The following FBXO46 variants were observed in gnomAD, a reference collection of about 807,000 sequenced individuals.
The protein encoded by FBXO46 is F-box protein 46.
Under a neutral mutation model 30.7 loss-of-function variants are expected in FBXO46, and 13 were observed. That is an observed-to-expected ratio of 0.42 (90% CI 0.28 to 0.67). The LOEUF (loss-of-function observed/expected upper bound fraction) is 0.67. Among genes scored for constraint, FBXO46 ranks in the 30% least tolerant of loss-of-function variants. The pLI, the probability that FBXO46 is intolerant of heterozygous loss-of-function variation, is 0.21. For synonymous variants in FBXO46, 467 were observed against 385.8 expected (o/e 1.21, Z -2.47); for missense variants, 754 against 871.5 (o/e 0.87, Z 1.70).
rs1052373589 is a variant in FBXO46, at chr19:45,712,012, G to A, written c.1484C>T (p.Ala495Val). ...GAAGTGGTGGCAGGTGCACTTGAGG[G>A]CGGCCAGCGCGCGCGTGGGCAGGAA... ...FSFLPTRALA[A>V]LKCTCHHFKG... Residue 495 changes from alanine to valine, a missense_variant, in exon 2 of 2, where the codon GCC (alanine) becomes GTC (valine). Physicochemically the swap from Ala to Val is moderately conservative, Grantham distance 64. This residue lies in a region of FBXO46 where 162 missense variants were observed against 258.7 expected (regional missense o/e 0.63). Transcript: ENST00000317683. The surrounding 1 kb of genome is among the most constrained non-coding windows in gnomAD (Gnocchi z 8.8). The A allele has an allele frequency of 6.2e-7, 1 of 1,612,388 alleles. No individual in the cohort carries two copies. The highest frequency in any genetic ancestry group is 8.5e-7 in the Non-Finnish European group (1 of 1,179,668).
chr19:45,717,826 G>A (rs1017640625), intron 1 of FBXO46, among the ~76,000 whole-genome samples: 1 of 152,004 alleles, frequency 6.6e-6, no homozygotes, highest in Non-Finnish European at 1.5e-5. Context: ...ATTGGGCATC[G>A]GGATAACCCC....
intron 1 of FBXO46, among the ~76,000 whole-genome samples, chr19:45,726,353 C>CA (rs1968239599): frequency 6.6e-6 from 1 of 151,448 alleles, no homozygotes; most frequent in Non-Finnish European, 1.5e-5. Context: ...CTAACAACAA[C>CA]AACAAAAAAA....
Position 45,713,042 on chromosome 19 carries a change from C to A in FBXO46, c.454G>T (p.Gly152Cys). Residue 152 changes from glycine to cysteine, a missense_variant, in exon 2 of 2, where the codon GGC (glycine) becomes TGC (cysteine). By Grantham distance (159) the Gly-to-Cys change is radical. Coordinates refer to ENST00000317683, the MANE Select transcript of FBXO46 (RefSeq NM_001080469.2). This position sits in a 1 kb window ranked among gnomAD's most constrained non-coding sequence, Gnocchi z 4.7. ...KAPPDPGGRE[G>C]PPAAEEGPAS... is the part of the protein sequence containing the mutation. ...GGGCCCTCCTCAGCAGCAGGGGGGC[C>A]CTCCCGGCCCCCTGGGTCAGGAGGA... is the stretch of plus-strand genomic sequence containing the variant. The A allele has an allele frequency of 6.4e-7, 1 of 1,560,710 alleles. No individual in the cohort carries two copies. The highest frequency in any genetic ancestry group is 2.3e-5 in the East Asian group (1 of 44,004).
At chr19:45,722,748 C>A (rs1968189744) in intron 1 of FBXO46, among the ~76,000 whole-genome samples, 1 of 143,686 alleles carries the variant, frequency 7.0e-6, no homozygotes, top group South Asian at 2.4e-4. Flanking sequence ...GGCGACAGAG[C>A]CAGACTCCGT....
At chr19:45,724,607 G>C (rs184482943) in intron 1 of FBXO46, among the ~76,000 whole-genome samples, 1 of 151,950 alleles carries the variant, frequency 6.6e-6, no homozygotes, top group Non-Finnish European at 1.5e-5. Context: ...AGGAGTTTGA[G>C]AGCAGCCTGG....
Position 45,713,100 on chromosome 19 carries a change from C to T in FBXO46, c.396G>A (p.Lys132=). The T allele has an allele frequency of 6.2e-7, 1 of 1,606,654 alleles. No individual in the cohort carries two copies. Residue 132 remains lysine (K), a synonymous_variant, in exon 2 of 2, where the codon AAG becomes AAA. Transcript: ENST00000317683. The surrounding 1 kb of genome is among the most constrained non-coding windows in gnomAD (Gnocchi z 4.7). ...TGGGGTCAAGACAGCGCCTCCGCCG[C>T]TTGGCCTTGGAGCTATCGCTGCCCC... ...GHWGSDSSKA[K]RRRRCLDPTK...
chr19:45,723,520 G>A (rs1568548963), intron 1 of FBXO46: 1 of 152,180 alleles, frequency 6.6e-6, no homozygotes, highest in South Asian at 2.1e-4. Flanking sequence ...TCAAAGCTGG[G>A]CACTCTGGCT....
chr19:45,723,866 G>A (rs1968205524), intron 1 of FBXO46, among the ~76,000 whole-genome samples: 1 of 152,000 alleles, frequency 6.6e-6, no homozygotes, highest in African/African-American at 2.4e-5. Context: ...CACCATGTTG[G>A]CCAGGCTGGT....
intron 1 of FBXO46, chr19:45,717,058 A>G (rs897406671): frequency 2.0e-5 from 3 of 152,304 alleles, no homozygotes; most frequent in African/African-American, 7.2e-5. Flanking sequence ...CTTCCGCATT[A>G]CAAACGAACC....
chr19:45,711,440 GATAAAAAAAAA>G lies in FBXO46; in HGVS notation c.*233_*243del. 1 of 640,014 alleles carries G rather than the reference GATAAAAAAAAA, an allele frequency of 1.6e-6. No homozygotes were observed. The highest frequency in any genetic ancestry group is 2.8e-6 in the Non-Finnish European group (1 of 358,104). 39.6% of individuals were successfully genotyped at this position (640,014 alleles called of 1,614,324 possible). On this transcript the variant is annotated 3_prime_UTR_variant, in exon 2 of 2. Transcript: ENST00000317683. ...TGAATGGAGAAGAAAGTGAGATGCT[GATAAAAAAAAA>G]AAAAACACCCTTCTCAGAGGGTCCA...
At position 45,711,547 on chromosome 19, in the gene FBXO46, A is replaced by G; in HGVS notation, c.*137T>C. The G allele has an allele frequency of 2.6e-6, 2 of 757,062 alleles. No homozygotes were observed. Among genetic ancestry groups the G allele is most frequent in the East Asian group, 5.3e-5 (2 of 37,448 alleles). 46.9% of individuals were successfully genotyped at this position (757,062 alleles called of 1,614,324 possible). A position where few individuals can be genotyped will look rare whatever the true frequency, so the allele number is the denominator to read the frequency against. ...GGCTTTCCTGGGTCACCCCTGCTGA[A>G]CCCCAGCTCAGTTCCGGTGAGGGAT... On this transcript the variant is annotated 3_prime_UTR_variant, in exon 2 of 2. Coordinates refer to ENST00000317683, the MANE Select transcript of FBXO46 (RefSeq NM_001080469.2).
chr19:45,717,548 A>C (rs1376889332), intron 1 of FBXO46, among the ~76,000 whole-genome samples: 2 of 152,198 alleles, frequency 1.3e-5, no homozygotes. Flanking sequence ...TGGGGTAGAC[A>C]CAGCCGGATG....
intron 1 of FBXO46, among the ~76,000 whole-genome samples, chr19:45,724,088 T>A (rs1234748182): frequency 6.6e-6 from 1 of 152,086 alleles, no homozygotes; most frequent in Non-Finnish European, 1.5e-5. Context: ...AAGCACAGGC[T>A]GAAAACAAAT....
At chr19:45,732,178 CT>C (rs1364593813), upstream of FBXO46, among the ~76,000 whole-genome samples, 2 of 151,734 alleles carry the variant, frequency 1.3e-5, no homozygotes, top group East Asian at 3.9e-4. Flanking sequence ...CTTTGTGTAC[CT>C]TGTTCAAGCA....
At chr19:45,719,663 C>G (rs1312243405) in intron 1 of FBXO46, among the ~76,000 whole-genome samples, 1 of 152,210 alleles carries the variant, frequency 6.6e-6, no homozygotes, top group African/African-American at 2.4e-5. Context: ...TACATACATA[C>G]ATGGTGCATT....
At position 45,712,687 on chromosome 19, in the gene FBXO46, T is replaced by G; in HGVS notation, c.809A>C (p.Glu270Ala). 6.2e-7 allele frequency: 1 copy of G among 1,612,672 alleles called. No homozygotes were observed. Residue 270 changes from glutamate to alanine, a missense_variant, in exon 2 of 2, where the codon GAG (glutamate) becomes GCG (alanine). This residue lies in a region of FBXO46 where 454 missense variants were observed against 426.5 expected (regional missense o/e 1.06). Transcript: ENST00000317683. This position sits in a 1 kb window ranked among gnomAD's most constrained non-coding sequence, Gnocchi z 8.8. The part of the protein sequence containing the change: ...RIAFRISNGR[E>A]PRAPDSGLPS... ...CAGGCCGCTGTCTGGTGCACGGGGC[T>G]CCCGGCCGTTGGAGATGCGGAAGGC...
upstream of FBXO46, among the ~76,000 whole-genome samples, chr19:45,732,298 C>G (rs1455691466): frequency 6.6e-6 from 1 of 151,974 alleles, no homozygotes; most frequent in Non-Finnish European, 1.5e-5. Flanking sequence ...ATTTATAAGG[C>G]AGAAAGAGAT....
rs1186904221 is a variant in FBXO46 at position 45,711,740 on chromosome 19, C to A, written c.1756G>T (p.Val586Leu). 1 of 1,562,072 alleles carries A rather than the reference C, an allele frequency of 6.4e-7. No homozygotes were observed. Among genetic ancestry groups the A allele is most frequent in the Non-Finnish European group, 8.6e-7 (1 of 1,159,100 alleles). Residue 586 changes from valine (V) to leucine (L), a missense_variant, in exon 2 of 2, where the codon GTG becomes TTG. Physicochemically the swap from Val to Leu is conservative, Grantham distance 32. Coordinates refer to ENST00000317683, the MANE Select transcript of FBXO46 (RefSeq NM_001080469.2). ...CRLGLHDNNWVLPCNGPGGGR... is the reference protein window; with the variant it reads ...CRLGLHDNNWLLPCNGPGGGR... ...CCGCCTGGCCCATTGCAGGGCAGCACCCAGTTGTTATCGTGGAGGCCCAGG... is the reference window on the plus strand; with the variant it reads ...CCGCCTGGCCCATTGCAGGGCAGCAACCAGTTGTTATCGTGGAGGCCCAGG...
chr19:45,712,609 G>A lies in FBXO46; in HGVS notation c.887C>T (p.Pro296Leu), dbSNP rs1968006542. 1 of 1,594,310 alleles carries A rather than the reference G, an allele frequency of 6.3e-7. No individual in the cohort carries two copies. The highest frequency in any genetic ancestry group is 8.5e-7 in the Non-Finnish European group (1 of 1,169,816). Residue 296 changes from proline (P) to leucine (L), a missense_variant, in exon 2 of 2, where the codon CCT (proline) becomes CTT (leucine). Around this residue, in one of 5 missense-constraint regions of FBXO46, gnomAD observed 454 missense variants for 426.5 expected, o/e 1.06. Transcript: ENST00000317683. The surrounding 1 kb of genome is among the most constrained non-coding windows in gnomAD (Gnocchi z 8.8). ...GATCTTGTCCTTGGCTCGGGCCCCAGGACCTGGGCTGCCAGGGTAGGCACA... is the reference window on the plus strand; with the variant it reads ...GATCTTGTCCTTGGCTCGGGCCCCAAGACCTGGGCTGCCAGGGTAGGCACA... ...PGCAYPGSPG[P>L]GARAKDKITC... is the part of the protein sequence containing the mutation.
Sources: allele counts gnomAD v4.1 joint callset (sites outside exome capture counted in the v4.1 genomes callset), GRCh38; gene constraint gnomAD v4.1.1; regional missense constraint gnomAD v4.1.1; non-coding constraint Gnocchi (gnomAD v3.1); transcripts MANE v1.5; gene names NCBI Gene and HGNC (gene_info 2026-07-23, HGNC 2026-07-21).